NCOR1: variants seen among roughly 807,000 people sequenced by gnomAD.
The protein encoded by NCOR1 is nuclear receptor corepressor 1.
In NCOR1, 63 loss-of-function variants were observed where a neutral mutation model predicts 288.1. That is an observed-to-expected ratio of 0.22 (90% CI 0.18 to 0.27). The LOEUF is 0.27. Ranked by LOEUF, NCOR1 falls within the 10% of genes least tolerant of loss-of-function variation. NCOR1 has a pLI of 1.00. For missense variants in NCOR1, 2,397 were observed against 3,019.2 expected (o/e 0.79, Z 4.83); for synonymous variants, 1,007 against 1,065.9 (o/e 0.94, Z 1.08).
At position 16,138,225 on chromosome 17, in the gene NCOR1, G is replaced by A. The variant is rs370611047; in HGVS notation, c.1353-13C>T. The A allele has an allele frequency of 9.4e-6, 15 of 1,598,284 alleles. No individual in the cohort carries two copies. The African/African-American group carries it at 9.5e-5, about 10-fold the overall frequency. On this transcript the variant is annotated splice_polypyrimidine_tract_variant and intron_variant, in intron 12 of 45. Coordinates refer to ENST00000268712, the MANE Select transcript of NCOR1 (RefSeq NM_006311.4). ...ATGCTGGATAAACCTGAGTGAAAAC[G>A]AAAACAAAAACACACTTGCGTACAA...
At chr17:16,161,226 C>CACAG (rs1026491655) in intron 5 of NCOR1, among the ~76,000 whole-genome samples, 2 of 95,046 alleles carry the variant, frequency 2.1e-5, no homozygotes, top group African/African-American at 8.9e-5. Context: ...AGCAAACACA[C>CACAG]ACAGACACAC....
chr17:16,109,825 C>T (rs1275467712), intron 18 of NCOR1, among the ~76,000 whole-genome samples: 1 of 152,162 alleles, frequency 6.6e-6, no homozygotes, highest in African/African-American at 2.4e-5. Context: ...ACCTCCACCT[C>T]CTGGGTTCAA....
At chr17:16,191,303 A>G (rs2088219398) in intron 2 of NCOR1, among the ~76,000 whole-genome samples, 2 of 152,186 alleles carry the variant, frequency 1.3e-5, no homozygotes, top group South Asian at 4.1e-4. Context: ...CAAGCTTAGA[A>G]GTGGGGGATA....
intron 2 of NCOR1, among the ~76,000 whole-genome samples, chr17:16,190,606 G>A (rs907861738): frequency 3.3e-5 from 5 of 151,854 alleles, no homozygotes; most frequent in Admixed American, 3.3e-4. Context: ...CTCCCAAAGT[G>A]CTGGGATTAC....
At position 16,127,283 on chromosome 17, in the gene NCOR1, GTGTATATATGTATGTA is replaced by G. The variant is rs2074377742; in HGVS notation, c.1510-1093_1510-1078del. On this transcript the variant is annotated intron_variant, in intron 14 of 45. Coordinates refer to ENST00000268712, the MANE Select transcript of NCOR1 (RefSeq NM_006311.4). The stretch of plus-strand genomic sequence containing the variant: ...TGTGTATATATGTATGTATATATAC[GTGTATATATGTATGTA>G]TGTATATATACATGTATGTATATAT... Among the ~76,000 whole-genome samples, 2 of 27,112 alleles carry G rather than the reference GTGTATATATGTATGTA, an allele frequency of 7.4e-5. 1 individual carries two copies. The highest frequency in any genetic ancestry group is 7.4e-4 in the East Asian group (2 of 2,718). 17.8% of individuals were successfully genotyped at this position (27,112 alleles called of 152,430 possible).
Position 16,204,914 on chromosome 17 carries a change from G to A in NCOR1, c.-70-10275C>T, listed in dbSNP as rs553174864. 3.9e-5 allele frequency among the ~76,000 whole-genome samples: 6 copies of A among 152,338 alleles called. No homozygotes were observed. In the East Asian group the frequency reaches 5.8e-4, roughly 15 times the overall value. ...CAAAAGAATAGCTAGGGGGATATGT[G>A]CACACACATGAATAAAGTGAGTGAG... On this transcript the variant is annotated intron_variant, in intron 1 of 45. Transcript: ENST00000268712.
At chr17:16,042,645 A>C (rs1020873184) in intron 42 of NCOR1, among the ~76,000 whole-genome samples, 20 of 152,354 alleles carry the variant, frequency 1.3e-4, no homozygotes, top group African/African-American at 4.8e-4. Flanking sequence ...GAAGGTAGAC[A>C]TGTGAAAGCC....
At chr17:16,109,445 C>T (rs2069517839) in intron 18 of NCOR1, among the ~76,000 whole-genome samples, 1 of 151,942 alleles carries the variant, frequency 6.6e-6, no homozygotes, top group Non-Finnish European at 1.5e-5. Flanking sequence ...TATGTAATTA[C>T]ATATTCACTT....
At chr17:16,128,282 A>C (rs946217568) in intron 14 of NCOR1, among the ~76,000 whole-genome samples, 10 of 152,140 alleles carry the variant, frequency 6.6e-5, no homozygotes, top group Non-Finnish European at 1.5e-4. Context: ...ATAAAGTCCC[A>C]CATAGTCTCT....
intron 5 of NCOR1, among the ~76,000 whole-genome samples, chr17:16,160,116 G>A (rs768316336): frequency 5.9e-5 from 9 of 152,098 alleles, no homozygotes; most frequent in Non-Finnish European, 1.2e-4. Flanking sequence ...ACCGCTGTGA[G>A]CCACCACGCC....
At chr17:16,042,774 T>C (rs536694932) in intron 42 of NCOR1, among the ~76,000 whole-genome samples, 1 of 152,234 alleles carries the variant, frequency 6.6e-6, no homozygotes, top group East Asian at 1.9e-4. Flanking sequence ...GAGGAACTTT[T>C]TGTATGGGGA....
intron 5 of NCOR1, among the ~76,000 whole-genome samples, chr17:16,159,413 C>CAA (rs35243097): frequency 0.031 from 2,061 of 66,000 alleles, 93 homozygotes; most frequent in African/African-American, 0.11. Flanking sequence ...AACTCTATCT[C>CAA]AAAAAAAAAA....
At position 16,058,263 on chromosome 17, in the gene NCOR1, GAAGT is replaced by G. The variant is rs370807750; in HGVS notation, c.6011-203_6011-200del. On this transcript the variant is annotated intron_variant, in intron 38 of 45. Transcript: ENST00000268712. The stretch of plus-strand genomic sequence containing the variant: ...ACTAGTGGAACAAAATATAAATGCA[GAAGT>G]AAGCAAACAAAATTAATATAAACAA... The G allele has an allele frequency of 1.1e-3, 947 of 874,010 alleles. 9 individuals are homozygous for G. The African/African-American group carries it at 0.015, about 14-fold the overall frequency. 54.1% of individuals were successfully genotyped at this position (874,010 alleles called of 1,614,324 possible). A position where few individuals can be genotyped will look rare whatever the true frequency, so the allele number is the denominator to read the frequency against.
In NCOR1 at chr17:16,058,547, A is replaced by G; in HGVS notation, c.5934T>C (p.Pro1978=). 1 of 1,613,936 alleles carries G rather than the reference A, an allele frequency of 6.2e-7. No individual in the cohort carries two copies. Among genetic ancestry groups the G allele is most frequent in the Non-Finnish European group, 8.5e-7 (1 of 1,179,836 alleles). Residue 1978 remains proline, a synonymous_variant, in exon 38 of 46, where the codon CCT becomes CCC. Transcript: ENST00000268712. Reference sequence around the variant, plus strand: ...CCTGGGGTGGCGCAGGTGAGCTGGCAGGACTTATCACCTCAATAGCATCGC... The same window carrying G: ...CCTGGGGTGGCGCAGGTGAGCTGGCGGGACTTATCACCTCAATAGCATCGC... ...TPSDAIEVIS[P]ASSPAPPQEK... is the part of the protein sequence containing the mutation.
chr17:16,196,622 G>A (rs1282996667), intron 1 of NCOR1, among the ~76,000 whole-genome samples: 2 of 151,878 alleles, frequency 1.3e-5, no homozygotes, highest in African/African-American at 2.4e-5. Flanking sequence ...TCAGGAGATC[G>A]AGACCATCCT....
chr17:16,200,293 C>T (rs944497245), intron 1 of NCOR1, among the ~76,000 whole-genome samples: 1 of 151,858 alleles, frequency 6.6e-6, no homozygotes, highest in Admixed American at 6.6e-5. Context: ...CAAGACCATC[C>T]TGGCCAACGT....
At chr17:16,135,179 A>AAC (rs2076221215) in intron 14 of NCOR1, among the ~76,000 whole-genome samples, 1 of 151,638 alleles carries the variant, frequency 6.6e-6, no homozygotes, top group South Asian at 2.1e-4. Context: ...AAAAAAAAAA[A>AAC]AAACTGTAGC....
rs1972009159 is a variant in NCOR1, at chr17:16,031,622, T to C, written c.*674A>G. 4.4e-6 allele frequency: 1 copy of C among 225,216 alleles called. No homozygotes were observed. The highest frequency in any genetic ancestry group is 8.8e-6 in the Non-Finnish European group (1 of 113,154). The allele number at this position is 225,216 out of a possible 1,614,324, so 14.0% of individuals were successfully genotyped here. ...CTAATGAAAAAAAAAAATTAAAGCC[T>C]GCACTGGAAATTTACAATATGGCAG... On this transcript the variant is annotated 3_prime_UTR_variant, in exon 46 of 46. Coordinates refer to ENST00000268712, the MANE Select transcript of NCOR1 (RefSeq NM_006311.4).
At chr17:16,082,713 GGAGA>G (rs1254343871) in intron 23 of NCOR1, among the ~76,000 whole-genome samples, 1 of 150,084 alleles carries the variant, frequency 6.7e-6, no homozygotes, top group Non-Finnish European at 1.5e-5. Flanking sequence ...AATTGTTTTA[GGAGA>G]GAGAAAAAGA....
Sources: allele counts gnomAD v4.1 joint callset (sites outside exome capture counted in the v4.1 genomes callset), GRCh38; gene constraint gnomAD v4.1.1; transcripts MANE v1.5; gene names NCBI Gene and HGNC (gene_info 2026-07-23, HGNC 2026-07-21).